GPD2: variants seen among roughly 807,000 people sequenced by gnomAD.
The protein encoded by GPD2 is glycerol-3-phosphate dehydrogenase 2, also known as glycerol-3-phosphate dehydrogenase, mitochondrial.
A neutral mutation model predicts 82.4 loss-of-function variants in GPD2; 54 were observed. The ratio of observed to expected loss-of-function variants is 0.66; its 90% CI spans 0.53 to 0.82. The LOEUF (loss-of-function observed/expected upper bound fraction) is 0.82. GPD2 is among the 40% of genes least tolerant of loss of function. GPD2 has a pLI of 0.00. For missense variants in GPD2, 748 were observed against 896.2 expected, an observed-to-expected ratio of 0.83 and a Z score of 2.11; for synonymous variants, 288 against 306.1, an observed-to-expected ratio of 0.94 and a Z score of 0.62.
At chr2:156,470,221 G>T (rs1232108202) in intron 1 of GPD2, among the ~76,000 whole-genome samples, 3 of 151,742 alleles carry the variant, frequency 2.0e-5, no homozygotes, top group East Asian at 3.9e-4. Flanking sequence ...TTAAGACAGG[G>T]TTTTGCTCTG....
At chr2:156,426,858 C>G in the GPD2 span, among the ~76,000 whole-genome samples, 2 of 152,052 alleles carry the variant, frequency 1.3e-5, no homozygotes, top group Non-Finnish European at 2.9e-5. Context: ...ATTTAAGATT[C>G]TGTGGCAGTC....
At chr2:156,568,238 A>G (rs1190776823) in intron 9 of GPD2, among the ~76,000 whole-genome samples, 1 of 152,118 alleles carries the variant, frequency 6.6e-6, no homozygotes, top group Non-Finnish European at 1.5e-5. Context: ...GTATGGTGAG[A>G]ATAATAATAA....
the GPD2 span, among the ~76,000 whole-genome samples, chr2:156,424,841 A>C: frequency 6.6e-6 from 1 of 152,190 alleles, no homozygotes; most frequent in Admixed American, 6.5e-5. Context: ...AGAAGTTACC[A>C]CTTTTATTTA....
chr2:156,509,022 T>G (rs893768846), intron 3 of GPD2, among the ~76,000 whole-genome samples: 1 of 152,212 alleles, frequency 6.6e-6, no homozygotes, highest in East Asian at 1.9e-4. Context: ...TGGCTCTCAA[T>G]ATTCTTAAAA....
At position 156,584,312 on chromosome 2, in the gene GPD2, A is replaced by T. The variant is rs1386024519; in HGVS notation, c.*1394A>T. On this transcript the variant is annotated 3_prime_UTR_variant, in exon 17 of 17. Transcript: ENST00000438166. ...TTTTTAACATCAGGTTCTGTATCTA[A>T]TAGGAGATGTAACACTTTATTTCAT... 4 of 152,020 alleles carry T rather than the reference A, an allele frequency of 2.6e-5. No homozygotes were observed. Among genetic ancestry groups the T allele is most frequent in the Non-Finnish European group, 4.4e-5 (3 of 67,982 alleles). The allele number at this position is 152,020 out of a possible 1,614,324, so 9.4% of individuals were successfully genotyped here.
chr2:156,514,860 T>A (rs116295559), intron 6 of GPD2, among the ~76,000 whole-genome samples: 195 of 152,260 alleles, frequency 1.3e-3, no homozygotes, highest in African/African-American at 4.6e-3. Flanking sequence ...TTTCTCTGCA[T>A]TGGACCCTTA....
chr2:156,550,410 C>T (rs1285661668), intron 7 of GPD2, among the ~76,000 whole-genome samples, 192 bp from the exon 8 acceptor site: 1 of 152,186 alleles, frequency 6.6e-6, no homozygotes, highest in African/African-American at 2.4e-5. Flanking sequence ...TCAATTCCGA[C>T]TTGTTTTTGG....
intron 1 of GPD2, among the ~76,000 whole-genome samples, chr2:156,474,535 T>G (rs1683438696): frequency 6.6e-6 from 1 of 152,188 alleles, no homozygotes. Context: ...CTTCCCTGTT[T>G]CCCTGCTTTT....
At chr2:156,490,177 T>C (rs545304991) in intron 2 of GPD2, among the ~76,000 whole-genome samples, 1 of 152,280 alleles carries the variant, frequency 6.6e-6, no homozygotes, top group South Asian at 2.1e-4. Context: ...CCTGTTTTAT[T>C]CTTGCTGCTT....
intron 4 of GPD2, 55 bp downstream of exon 4, chr2:156,510,975 C>T: frequency 3.9e-6 from 6 of 1,525,570 alleles, no homozygotes; most frequent in Non-Finnish European, 5.5e-6. Flanking sequence ...TTTTTCTACC[C>T]AATTAAATCA....
rs1364682062 is a variant in GPD2, at chr2:156,512,235, G to C, written c.415G>C (p.Glu139Gln). The C allele has an allele frequency of 2.5e-6, 4 of 1,577,232 alleles. No individual in the cohort carries two copies. Among genetic ancestry groups the C allele is most frequent in the Non-Finnish European group, 3.5e-6 (4 of 1,146,452 alleles). Residue 139 changes from glutamate (E) to glutamine (Q), a missense_variant, in exon 5 of 17, where the codon GAA (glutamate) becomes CAA (glutamine). Glu to Gln is a conservative substitution (Grantham distance 29, BLOSUM62 2). This residue lies in a region of GPD2 where 692 missense variants were observed against 809.7 expected (regional missense o/e 0.85). Transcript: ENST00000438166. ...LDIEQYRMVK[E>Q]ALHERANLLE... Reference sequence around the variant, plus strand: ...TGCCTTTCAGTATAGGATGGTAAAAGAAGCCCTTCATGAGCGTGCCAACCT... The same window carrying C: ...TGCCTTTCAGTATAGGATGGTAAAACAAGCCCTTCATGAGCGTGCCAACCT...
intron 2 of GPD2, among the ~76,000 whole-genome samples, chr2:156,480,314 G>A (rs1683676818): frequency 6.6e-6 from 1 of 152,154 alleles, no homozygotes; most frequent in South Asian, 2.1e-4. Flanking sequence ...AAGATGGGAA[G>A]GTTGGGATGG....
chr2:156,476,014 A>C, intron 1 of GPD2, 84 bp from the exon 2 acceptor site: 2 of 784,646 alleles, frequency 2.5e-6, no homozygotes, highest in South Asian at 2.8e-5. Flanking sequence ...ATGGTTTCAT[A>C]ATCTACACAG....
chr2:156,506,710 A>C (rs890913850), intron 3 of GPD2, among the ~76,000 whole-genome samples: 1 of 152,058 alleles, frequency 6.6e-6, no homozygotes, highest in Non-Finnish European at 1.5e-5. Context: ...CTGTTATATG[A>C]CACTGGTCCT....
At chr2:156,524,780 A>G (rs1376889380) in intron 6 of GPD2, among the ~76,000 whole-genome samples, 1 of 152,210 alleles carries the variant, frequency 6.6e-6, no homozygotes, top group Non-Finnish European at 1.5e-5. Flanking sequence ...GAGGTGGGAC[A>G]TATTTGGTGA....
chr2:156,561,040 CTTTTTTTTTTTT>C lies in GPD2; in HGVS notation c.1165+3472_1165+3483del, dbSNP rs35948070. ...GAAACTGAGGCCCAGTGACATTAAG[CTTTTTTTTTTTT>C]TTTTTTTTTTTTTGAGATGGATTCT... On this transcript the variant is annotated intron_variant, in intron 9 of 16. Transcript: ENST00000438166. Among the ~76,000 whole-genome samples the C allele has an allele frequency of 7.2e-5, 2 of 27,630 alleles. 1 individual carries two copies. The highest frequency in any genetic ancestry group is 3.3e-3 in the East Asian group (2 of 598). The allele number at this position is 27,630 out of a possible 152,430, so 18.1% of individuals were successfully genotyped here. A position where few individuals can be genotyped will look rare whatever the true frequency, so the allele number is the denominator to read the frequency against.
chr2:156,523,679 TA>T, intron 6 of GPD2, among the ~76,000 whole-genome samples: 1 of 135,494 alleles, frequency 7.4e-6, no homozygotes. Context: ...TCTAGATAGA[TA>T]GATAGATAGA....
At chr2:156,420,617 A>G in the GPD2 span, among the ~76,000 whole-genome samples, 1 of 152,240 alleles carries the variant, frequency 6.6e-6, no homozygotes, top group Non-Finnish European at 1.5e-5. Flanking sequence ...CATGATATAA[A>G]AACAAAACTA....
chr2:156,478,092 C>T (rs1462628358), intron 2 of GPD2, among the ~76,000 whole-genome samples: 1 of 152,068 alleles, frequency 6.6e-6, no homozygotes, highest in Non-Finnish European at 1.5e-5. Context: ...ACTGTTTTAT[C>T]CCTTTTTTTG....
Sources: gnomAD v4.1 joint callset for allele counts (sites outside exome capture counted in the v4.1 genomes callset) on GRCh38, gnomAD v4.1.1 for gene constraint, gnomAD v4.1.1 regional missense constraint, MANE v1.5 for transcripts, NCBI Gene and HGNC (gene_info 2026-07-23, HGNC 2026-07-21) for gene names.